CCR7: variants seen among roughly 807,000 people sequenced by gnomAD.
CCR7 encodes the protein C-C motif chemokine receptor 7.
CCR7 carries 11 observed loss-of-function variants against 26.0 expected under a neutral mutation model. The ratio of observed to expected loss-of-function variants is 0.42; its 90% confidence interval spans 0.27 to 0.70. CCR7 has a LOEUF of 0.70. CCR7 is among the 30% of genes least tolerant of loss of function. The pLI is 0.23. For synonymous variants in CCR7, 189 were observed against 202.1 expected, an observed-to-expected ratio of 0.94 and a Z score of 0.55; for missense variants, 360 against 504.0, an observed-to-expected ratio of 0.71 and a Z score of 2.74.
chr17:40,559,014 G>T, intron 1 of CCR7, 72 bp from the exon 2 acceptor site: 1 of 1,282,664 alleles, frequency 7.8e-7, no homozygotes, highest in Non-Finnish European at 1.1e-6. Flanking sequence ...AGCAGTGGAG[G>T]GGGAGACGCT....
At chr17:40,556,690 C>T (rs1239804845) in intron 2 of CCR7, among the ~76,000 whole-genome samples, 1 of 152,188 alleles carries the variant, frequency 6.6e-6, no homozygotes, top group East Asian at 1.9e-4. Context: ...AGAGAGGGAA[C>T]ATGTGTCTTT....
In CCR7 at chr17:40,559,977, G is replaced by A. The variant is rs148002929; in HGVS notation, c.11-1035C>T. ...CTCCTTTAACTTGTTTTCTAACTTA[G>A]GCTTGGGGGGCAGGTGAAAGGGGGA... On this transcript the variant is annotated intron_variant, in intron 1 of 2. Transcript: ENST00000246657. 6.9e-4 allele frequency among the ~76,000 whole-genome samples: 105 copies of A among 152,098 alleles called. 1 individual carries two copies. In the East Asian group the frequency reaches 0.016, roughly 23 times the overall value.
chr17:40,553,915 A>G lies in CCR7; in HGVS notation c.*827T>C, dbSNP rs535442836. The G allele has an allele frequency of 6.6e-6, 1 of 152,194 alleles. No homozygotes were observed. The allele number at this position is 152,194 out of a possible 1,614,324, so 9.4% of individuals were successfully genotyped here. A position where few individuals can be genotyped will look rare whatever the true frequency, so the allele number is the denominator to read the frequency against. On this transcript the variant is annotated 3_prime_UTR_variant, in exon 3 of 3. Coordinates refer to ENST00000246657, the MANE Select transcript of CCR7 (RefSeq NM_001838.4). ...AGGAGAGGTTTTCAGTCCCTGTGACAAAGAACAAAGAACAAGCTCGTGGGC... is the reference window on the plus strand; with the variant it reads ...AGGAGAGGTTTTCAGTCCCTGTGACGAAGAACAAAGAACAAGCTCGTGGGC...
At chr17:40,561,940 T>C (rs1204855859) in intron 1 of CCR7, among the ~76,000 whole-genome samples, 1 of 152,128 alleles carries the variant, frequency 6.6e-6, no homozygotes, top group Non-Finnish European at 1.5e-5. Context: ...AACTGCTGTA[T>C]CCAATGAGAT....
At chr17:40,562,748 C>T (rs185432955) in intron 1 of CCR7, among the ~76,000 whole-genome samples, 18 of 152,274 alleles carry the variant, frequency 1.2e-4, no homozygotes, top group Middle Eastern at 6.8e-3. Flanking sequence ...CCCTCCCCTC[C>T]GCTTGCTTCT....
intron 1 of CCR7, among the ~76,000 whole-genome samples, chr17:40,564,111 G>A (rs1282192026): frequency 6.6e-6 from 1 of 152,090 alleles, no homozygotes; most frequent in East Asian, 1.9e-4. Flanking sequence ...GTGGTGGAGG[G>A]GGTGCAGGGG....
At chr17:40,562,590 T>G (rs2036666617) in intron 1 of CCR7, among the ~76,000 whole-genome samples, 1 of 152,158 alleles carries the variant, frequency 6.6e-6, no homozygotes, top group African/African-American at 2.4e-5. Context: ...TTCACCTACT[T>G]GAAAAATAAA....
chr17:40,562,827 C>T (rs1017665984), intron 1 of CCR7, among the ~76,000 whole-genome samples: 1 of 152,134 alleles, frequency 6.6e-6, no homozygotes, highest in African/African-American at 2.4e-5. Context: ...CCAGGACACT[C>T]TGCTTGTCAG....
At chr17:40,556,955 C>T (rs2036593268) in intron 2 of CCR7, among the ~76,000 whole-genome samples, 2 of 152,162 alleles carry the variant, frequency 1.3e-5, no homozygotes, top group African/African-American at 2.4e-5. Flanking sequence ...GCTCAGGCAA[C>T]GTGAGCCCAA....
Position 40,554,705 on chromosome 17 carries a change from C to T in CCR7, c.*37G>A. The T allele has an allele frequency of 1.3e-6, 2 of 1,493,826 alleles. No individual in the cohort carries two copies. Among genetic ancestry groups the T allele is most frequent in the South Asian group, 1.3e-5 (1 of 78,988 alleles). The allele number at this position is 1,493,826 out of a possible 1,614,324, so 92.5% of individuals were successfully genotyped here. A position where few individuals can be genotyped will look rare whatever the true frequency, so the allele number is the denominator to read the frequency against. On this transcript the variant is annotated 3_prime_UTR_variant, in exon 3 of 3. Coordinates refer to ENST00000246657, the MANE Select transcript of CCR7 (RefSeq NM_001838.4). ...GCTCCCTATCCCCACCCCAGGGACC[C>T]TGGGAGAGGTCCCTCTAGTCCAGGC...
At position 40,554,657 on chromosome 17, in the gene CCR7, G is replaced by C; in HGVS notation, c.*85C>G. On this transcript the variant is annotated 3_prime_UTR_variant, in exon 3 of 3. Transcript: ENST00000246657. ...TTTCCCTGAGCAGCTTTTGGCGGGG[G>C]GATGTCCTGAGTCATTGCATCTGCT... 9.5e-7 allele frequency: 1 copy of C among 1,048,772 alleles called. No homozygotes were observed. The highest frequency in any genetic ancestry group is 1.4e-6 in the Non-Finnish European group (1 of 709,718). The allele number at this position is 1,048,772 out of a possible 1,614,324, so 65.0% of individuals were successfully genotyped here.
chr17:40,555,333 G>C lies in CCR7; in HGVS notation c.546C>G (p.Ile182Met). ...LLISKLSCVG[I>M]WILATVLSIP... Reference sequence around the variant, plus strand: ...TGGAGAGCACTGTGGCTAGTATCCAGATGCCCACACAGGACAGCTTGCTGA... The same window carrying C: ...TGGAGAGCACTGTGGCTAGTATCCACATGCCCACACAGGACAGCTTGCTGA... Residue 182 changes from isoleucine to methionine, a missense_variant, in exon 3 of 3, where the codon ATC (isoleucine) becomes ATG (methionine). Physicochemically the swap from Ile to Met is conservative, Grantham distance 10. Coordinates refer to ENST00000246657, the MANE Select transcript of CCR7 (RefSeq NM_001838.4). This position sits in a 1 kb window ranked among gnomAD's most constrained non-coding sequence, Gnocchi z 5.6. 6.2e-7 allele frequency: 1 copy of C among 1,614,166 alleles called. No individual in the cohort carries two copies. Among genetic ancestry groups the C allele is most frequent in the Non-Finnish European group, 8.5e-7 (1 of 1,180,034 alleles).
At chr17:40,562,492 G>A (rs1327956292) in intron 1 of CCR7, among the ~76,000 whole-genome samples, 2 of 152,104 alleles carry the variant, frequency 1.3e-5, no homozygotes. Flanking sequence ...GCCCCCAAAA[G>A]AGCCGGCCCC....
Position 40,565,458 on chromosome 17 carries a change from G to A in CCR7, c.-49C>T, listed in dbSNP as rs756086011. Reference sequence around the variant, plus strand: ...ACACAGGAAGGCTGTGCCCGGCCTCGCACTACCCCTGTCTGGGGAGGAAGT... The same window carrying A: ...ACACAGGAAGGCTGTGCCCGGCCTCACACTACCCCTGTCTGGGGAGGAAGT... On this transcript the variant is annotated 5_prime_UTR_variant, in exon 1 of 3. Transcript: ENST00000246657. 77 of 1,600,870 alleles carry A rather than the reference G, an allele frequency of 4.8e-5. No individual in the cohort carries two copies. Among genetic ancestry groups the A allele is most frequent in the Admixed American group, 4.7e-4 (28 of 59,980 alleles).
intron 1 of CCR7, among the ~76,000 whole-genome samples, chr17:40,564,806 A>G (rs2036692095): frequency 6.6e-6 from 1 of 152,212 alleles, no homozygotes; most frequent in African/African-American, 2.4e-5. Flanking sequence ...GCAACAGCAA[A>G]GCCAGATCAA....
At position 40,554,782 on chromosome 17, in the gene CCR7, A is replaced by G. The variant is rs1224336941; in HGVS notation, c.1097T>C (p.Met366Thr). The G allele has an allele frequency of 5.6e-6, 9 of 1,613,646 alleles. No individual in the cohort carries two copies. In the South Asian group the frequency reaches 9.9e-5, roughly 18 times the overall value. Residue 366 changes from methionine to threonine, a missense_variant, in exon 3 of 3, where the codon ATG becomes ACG. Physicochemically the swap from Met to Thr is moderately conservative, Grantham distance 81 (BLOSUM62 -1). Coordinates refer to ENST00000246657, the MANE Select transcript of CCR7 (RefSeq NM_001838.4). ...GGTGGTGGTCTCGGCCTCCACACTC[A>G]TGGAGGAGCGCCGGATGTGCCGACA... The part of the protein sequence containing the change: ...SSCRHIRRSS[M>T]SVEAETTTTF...
chr17:40,564,453 C>T (rs866570479), intron 1 of CCR7, among the ~76,000 whole-genome samples: 8 of 152,282 alleles, frequency 5.3e-5, no homozygotes, highest in Middle Eastern at 3.4e-3. Context: ...CAACCCTTTG[C>T]GGCTTTGAGG....
chr17:40,562,483 C>G (rs537296013), intron 1 of CCR7, among the ~76,000 whole-genome samples: 2 of 152,132 alleles, frequency 1.3e-5, no homozygotes. Flanking sequence ...AACATCCCGG[C>G]CCCCAAAAGA....
At chr17:40,564,909 A>G (rs2036693031) in intron 1 of CCR7, among the ~76,000 whole-genome samples, 2 of 152,188 alleles carry the variant, frequency 1.3e-5, no homozygotes, top group African/African-American at 2.4e-5. Flanking sequence ...TTTCATTTGC[A>G]TCTCCTCATG....
Sources: gnomAD v4.1 joint callset for allele counts (sites outside exome capture counted in the v4.1 genomes callset) on GRCh38, gnomAD v4.1.1 for gene constraint, Gnocchi (gnomAD v3.1) non-coding constraint, MANE v1.5 for transcripts, NCBI Gene and HGNC (gene_info 2026-07-23, HGNC 2026-07-21) for gene names.